CDK14: variants seen among roughly 807,000 people sequenced by gnomAD.
CDK14 encodes cyclin dependent kinase 14, also known as cyclin-dependent kinase 14.
A neutral mutation model predicts 60.7 loss-of-function variants in CDK14; 34 were observed. That is an observed-to-expected ratio of 0.56 (90% CI 0.43 to 0.75). CDK14 has a LOEUF of 0.75. Ranked by LOEUF, CDK14 falls within the 30% of genes least tolerant of loss-of-function variation. The pLI is 0.00. For missense variants in CDK14, 482 were observed against 564.1 expected (o/e 0.85, Z 1.47); for synonymous variants, 197 against 203.7 (o/e 0.97, Z 0.28).
At chr7:90,962,780 T>G (rs1489555692) in intron 9 of CDK14, among the ~76,000 whole-genome samples, 2 of 152,182 alleles carry the variant, frequency 1.3e-5, no homozygotes, top group Non-Finnish European at 2.9e-5. Context: ...AGACTCAGTT[T>G]CATGACATTA....
chr7:91,102,273 G>A (rs191941057), intron 12 of CDK14, among the ~76,000 whole-genome samples: 1 of 152,288 alleles, frequency 6.6e-6, no homozygotes, highest in African/African-American at 2.4e-5. Context: ...TTCCAACTCT[G>A]TAAAAGAAAG....
chr7:90,764,194 C>T (rs1347672377), intron 4 of CDK14, among the ~76,000 whole-genome samples: 1 of 152,050 alleles, frequency 6.6e-6, no homozygotes, highest in Non-Finnish European at 1.5e-5. Flanking sequence ...GGTTAATGAA[C>T]TTTATGTACA....
chr7:90,702,901 T>A (rs1801817811), intron 2 of CDK14, among the ~76,000 whole-genome samples: 1 of 152,174 alleles, frequency 6.6e-6, no homozygotes, highest in Non-Finnish European at 1.5e-5. Flanking sequence ...TTTTGAGATT[T>A]TCCTAATTTT....
Position 90,850,136 on chromosome 7 carries a change from CTTTG to C in CDK14, c.545-13033_545-13030del, listed in dbSNP as rs1446251158. 6.6e-5 allele frequency among the ~76,000 whole-genome samples: 10 copies of C among 151,892 alleles called. No individual in the cohort carries two copies. The East Asian group carries it at 9.6e-4, about 15-fold the overall frequency. On this transcript the variant is annotated intron_variant, in intron 5 of 14. Transcript: ENST00000380050. Reference sequence around the variant, plus strand: ...AAATTCTGTGACATCTATAATCTCCCTTTGTTTGTCAGTTAATAAGAAAATGAGA... The same window carrying C: ...AAATTCTGTGACATCTATAATCTCCCTTTGTCAGTTAATAAGAAAATGAGA...
Position 91,082,406 on chromosome 7 carries a change from G to C in CDK14, c.1154+2926G>C, listed in dbSNP as rs548709613. 3.9e-5 allele frequency among the ~76,000 whole-genome samples: 6 copies of C among 152,292 alleles called. No homozygotes were observed. In the South Asian group the frequency reaches 1.2e-3, roughly 32 times the overall value. ...ACGTCTACAGACTTGAATAGGCACA[G>C]GTTAACCTTTTCCTGCTTGTTCCCA... On this transcript the variant is annotated intron_variant, in intron 12 of 14. Transcript: ENST00000380050.
At chr7:90,995,778 A>T (rs200348854) in intron 10 of CDK14, among the ~76,000 whole-genome samples, 1 of 33,346 alleles carries the variant, frequency 3.0e-5, no homozygotes, top group Non-Finnish European at 5.8e-5. Context: ...ATTCTTAATC[A>T]GGAGTATGTC....
chr7:90,678,208 G>A (rs1183574738), intron 2 of CDK14, among the ~76,000 whole-genome samples: 3 of 152,318 alleles, frequency 2.0e-5, no homozygotes, highest in Admixed American at 1.3e-4. Flanking sequence ...AAGCCACAGC[G>A]TTGGAGGATG....
chr7:91,148,172 G>T (rs900358712), intron 14 of CDK14, among the ~76,000 whole-genome samples: 3 of 152,110 alleles, frequency 2.0e-5, no homozygotes, highest in Non-Finnish European at 4.4e-5. Context: ...GAGCCCAGCA[G>T]TTCCACACCA....
At chr7:91,180,066 A>G (rs951792867) in intron 14 of CDK14, among the ~76,000 whole-genome samples, 5 of 152,326 alleles carry the variant, frequency 3.3e-5, no homozygotes, top group East Asian at 1.9e-4. Context: ...CTATAAGGGA[A>G]GTGCACTGGA....
intron 14 of CDK14, among the ~76,000 whole-genome samples, chr7:91,121,637 G>A (rs1051693213): frequency 2.0e-5 from 3 of 152,164 alleles, no homozygotes; most frequent in African/African-American, 7.2e-5. Context: ...TCAGAGTCTT[G>A]TAACCAAATT....
rs776678059 is a variant in CDK14, at chr7:90,623,286, G to A, written c.123+19037G>A. 1.5e-4 allele frequency among the ~76,000 whole-genome samples: 23 copies of A among 152,146 alleles called. No homozygotes were observed. In the Middle Eastern group the frequency reaches 0.014, roughly 90 times the overall value. ...AAAGAGTGGATCTGTGCCCTTCTGG[G>A]GGTGTAGGCTGACCACATGAATACC... On this transcript the variant is annotated intron_variant, in intron 2 of 14. Coordinates refer to ENST00000380050, the MANE Select transcript of CDK14 (RefSeq NM_001287135.2).
intron 5 of CDK14, among the ~76,000 whole-genome samples, chr7:90,846,628 A>G (rs2117164761): frequency 6.6e-6 from 1 of 152,318 alleles, no homozygotes; most frequent in Middle Eastern, 3.4e-3. Flanking sequence ...AAAACCTGTC[A>G]GTCACCCAGT....
At chr7:90,999,880 C>G (rs1455615164) in intron 10 of CDK14, among the ~76,000 whole-genome samples, 3 of 152,050 alleles carry the variant, frequency 2.0e-5, no homozygotes, top group African/African-American at 7.2e-5. Flanking sequence ...TTGCGGTTTA[C>G]AAAAAATTAT....
chr7:90,612,385 A>C (rs1481200522), intron 2 of CDK14, among the ~76,000 whole-genome samples: 1 of 152,108 alleles, frequency 6.6e-6, no homozygotes, highest in Non-Finnish European at 1.5e-5. Flanking sequence ...CTCTTGATCT[A>C]GTTCAGCCTC....
intron 8 of CDK14, among the ~76,000 whole-genome samples, chr7:90,950,576 C>G (rs898755761): frequency 1.3e-5 from 2 of 152,116 alleles, no homozygotes; most frequent in Non-Finnish European, 2.9e-5. Flanking sequence ...TACACCAAAA[C>G]AAGACTTCCA....
intron 2 of CDK14, among the ~76,000 whole-genome samples, chr7:90,721,214 G>A (rs1802439924): frequency 6.6e-6 from 1 of 151,972 alleles, no homozygotes; most frequent in Non-Finnish European, 1.5e-5. Flanking sequence ...CCTCCCCACA[G>A]GCCCTGATCA....
intron 10 of CDK14, among the ~76,000 whole-genome samples, chr7:91,009,506 G>A (rs1796089862): frequency 6.6e-6 from 1 of 152,100 alleles, no homozygotes; most frequent in Non-Finnish European, 1.5e-5. Context: ...ATGAGTTCCA[G>A]TTGTTGTACA....
chr7:90,820,207 G>A (rs62468465), intron 5 of CDK14, among the ~76,000 whole-genome samples: 11,066 of 152,164 alleles, frequency 0.073, 509 homozygotes, highest in South Asian at 0.11. Flanking sequence ...GCTAAATATG[G>A]CATCTTGAAG....
At chr7:91,157,145 C>T (rs544472359) in intron 14 of CDK14, among the ~76,000 whole-genome samples, 2 of 152,020 alleles carry the variant, frequency 1.3e-5, no homozygotes, top group African/African-American at 4.8e-5. Flanking sequence ...TTCATATTTT[C>T]TCTTTCTCTA....
Sources: allele counts gnomAD v4.1 joint callset (sites outside exome capture counted in the v4.1 genomes callset), GRCh38; gene constraint gnomAD v4.1.1; transcripts MANE v1.5; gene names NCBI Gene and HGNC (gene_info 2026-07-23, HGNC 2026-07-21).